DNAJC6: variants seen among roughly 807,000 people sequenced by gnomAD.
DNAJC6 encodes the protein auxilin.
DNAJC6 carries 34 observed loss-of-function variants against 110.0 expected under a neutral mutation model. The observed-to-expected ratio is 0.31, with a 90% CI of 0.24 to 0.41. The LOEUF (loss-of-function observed/expected upper bound fraction) is 0.41. Ranked by LOEUF, DNAJC6 falls within the 10% of genes least tolerant of loss-of-function variation. The probability of loss-of-function intolerance (pLI) is 1.00; values close to 1 mark genes in which losing one functional copy is unlikely to be tolerated. For missense variants in DNAJC6, 1,031 were observed against 1,207.8 expected, an observed-to-expected ratio of 0.85 and a Z score of 2.17; for synonymous variants, 406 against 437.2, an observed-to-expected ratio of 0.93 and a Z score of 0.89.
At chr1:65,343,489 T>C (rs1437879129) in intron 1 of DNAJC6, among the ~76,000 whole-genome samples, 1 of 152,192 alleles carries the variant, frequency 6.6e-6, no homozygotes, top group Non-Finnish European at 1.5e-5. Flanking sequence ...TCTTGCACCG[T>C]CTTGCTTGGT....
rs373440819 is a variant in DNAJC6 at position 65,368,707 on chromosome 1, CT to C, written c.543+2513del. Among the ~76,000 whole-genome samples the C allele has an allele frequency of 3.3e-4, 13 of 39,584 alleles. No homozygotes were observed. The African/African-American group carries it at 3.6e-3, about 11-fold the overall frequency. 26.0% of individuals were successfully genotyped at this position (39,584 alleles called of 152,430 possible). ...TCCCTTCCTCCTCCTCTTCCTCCTC[CT>C]TCTTCTTCCTCTTCTTCTTCTTCTT... On this transcript the variant is annotated intron_variant, in intron 4 of 18. Coordinates refer to ENST00000371069, the MANE Select transcript of DNAJC6 (RefSeq NM_001256864.2).
chr1:65,265,075 T>C (rs1653270741), intron 1 of DNAJC6: 1 of 722,524 alleles, frequency 1.4e-6, no homozygotes, highest in Non-Finnish European at 2.3e-6. Flanking sequence ...ATTCTAGTTA[T>C]ATAATAAACA....
At chr1:65,312,207 A>G (rs1194391988) in intron 1 of DNAJC6, among the ~76,000 whole-genome samples, 1 of 152,168 alleles carries the variant, frequency 6.6e-6, no homozygotes, top group Non-Finnish European at 1.5e-5. Flanking sequence ...TCCTCCCCTT[A>G]TCCATCATTC....
At chr1:65,373,602 C>G (rs1041529255) in intron 4 of DNAJC6, among the ~76,000 whole-genome samples, 1 of 149,988 alleles carries the variant, frequency 6.7e-6, no homozygotes, top group Non-Finnish European at 1.5e-5. Context: ...TAATTCTCTT[C>G]AACTCTTTTG....
intron 2 of DNAJC6, among the ~76,000 whole-genome samples, chr1:65,365,666 C>T (rs1215550872): frequency 2.6e-5 from 4 of 152,116 alleles, no homozygotes; most frequent in African/African-American, 9.7e-5. Context: ...TCTACAAGGG[C>T]ATTAGAATGC....
At chr1:65,265,903 AT>A (rs2101144540) in intron 1 of DNAJC6, among the ~76,000 whole-genome samples, 1 of 152,148 alleles carries the variant, frequency 6.6e-6, no homozygotes, top group Admixed American at 6.6e-5. Flanking sequence ...CGGAACGCTA[AT>A]TTTAGGGTTC....
chr1:65,364,224 AATT>A lies in DNAJC6; in HGVS notation c.194-404_194-402del, dbSNP rs199501084. ...TAATTTCTTTAATTCAATATATTTAAATTATTATTTCAACATGTAATCAGTATA... is the reference window on the plus strand; with the variant it reads ...TAATTTCTTTAATTCAATATATTTAAATTATTTCAACATGTAATCAGTATA... On this transcript the variant is annotated intron_variant, in intron 1 of 18. Coordinates refer to ENST00000371069, the MANE Select transcript of DNAJC6 (RefSeq NM_001256864.2). Among the ~76,000 whole-genome samples the A allele has an allele frequency of 7.9e-5, 12 of 152,320 alleles. No homozygotes were observed. The East Asian group carries it at 2.3e-3, about 29-fold the overall frequency.
At chr1:65,313,890 A>G (rs1241069843) in intron 1 of DNAJC6, among the ~76,000 whole-genome samples, 5 of 152,164 alleles carry the variant, frequency 3.3e-5, no homozygotes, top group Non-Finnish European at 7.4e-5. Flanking sequence ...AAGGCACTGC[A>G]CTATCCCAAT....
chr1:65,266,141 C>T lies in DNAJC6; in HGVS notation c.-131+1209C>T, dbSNP rs942012358. On this transcript the variant is annotated intron_variant, in intron 1 of 19. Coordinates refer to the DNAJC6 transcript ENST00000263441. ...GTGAGACGTGCAACAACGCAGGCCC[C>T]AAAGCTCTCTGCGCGCAGCGCCGCG... Among the ~76,000 whole-genome samples, 13 of 152,236 alleles carry T rather than the reference C, an allele frequency of 8.5e-5. 1 individual carries two copies. Among genetic ancestry groups the T allele is most frequent in the African/African-American group, 2.9e-4 (12 of 41,468 alleles).
chr1:65,341,634 A>G (rs533331411), intron 1 of DNAJC6, among the ~76,000 whole-genome samples: 1 of 152,192 alleles, frequency 6.6e-6, no homozygotes, highest in Non-Finnish European at 1.5e-5. Flanking sequence ...TCTTTGGGGG[A>G]AGATGGAAAG....
At chr1:65,294,554 A>G (rs1307196103) in intron 1 of DNAJC6, among the ~76,000 whole-genome samples, 1 of 152,002 alleles carries the variant, frequency 6.6e-6, no homozygotes, top group African/African-American at 2.4e-5. Flanking sequence ...ATAAGTGGCT[A>G]TTGAGCATTT....
In DNAJC6 at chr1:65,365,839, AT is replaced by A. The variant is rs769782831; in HGVS notation, c.345-45del. ...GTGATTGAGAGAGAGAAATCTTGGCATATTTGGATCATTTTAATGAGTGCCC... is the reference window on the plus strand; with the variant it reads ...GTGATTGAGAGAGAGAAATCTTGGCAATTTGGATCATTTTAATGAGTGCCC... On this transcript the variant is annotated intron_variant, in intron 2 of 18. Coordinates refer to ENST00000371069, the MANE Select transcript of DNAJC6 (RefSeq NM_001256864.2). 6 of 1,597,194 alleles carry A rather than the reference AT, an allele frequency of 3.8e-6. No individual in the cohort carries two copies. In the South Asian group the frequency reaches 6.7e-5, roughly 18 times the overall value.
chr1:65,309,167 C>T (rs1214488172), upstream of DNAJC6, among the ~76,000 whole-genome samples: 1 of 152,130 alleles, frequency 6.6e-6, no homozygotes, highest in South Asian at 2.1e-4. Flanking sequence ...CTCAAAGCTT[C>T]GCAGGCCGAG....
In DNAJC6 at chr1:65,385,709, C is replaced by T. The variant is rs1645865140; in HGVS notation, c.801-3C>T. The T allele has an allele frequency of 6.3e-7, 1 of 1,583,124 alleles. No homozygotes were observed. The highest frequency in any genetic ancestry group is 1.7e-5 in the Admixed American group (1 of 58,330). On this transcript the variant is annotated splice_polypyrimidine_tract_variant and splice_region_variant and intron_variant, in intron 6 of 18. Coordinates refer to ENST00000371069, the MANE Select transcript of DNAJC6 (RefSeq NM_001256864.2). ...CCAAGAGAGTGCCAACCTTCTGTTT[C>T]AGATACCTGGGCTATATGTGTGACC...
chr1:65,365,809 C>T (rs372472147), intron 2 of DNAJC6, 76 bp from the exon 3 acceptor site: 58 of 1,518,804 alleles, frequency 3.8e-5, no homozygotes, highest in Middle Eastern at 1.8e-4. Context: ...AGTTCATATG[C>T]GCAAGTGATT....
intron 13 of DNAJC6, among the ~76,000 whole-genome samples, chr1:65,395,576 T>C (rs1266210145): frequency 1.3e-5 from 2 of 152,150 alleles, no homozygotes; most frequent in African/African-American, 4.8e-5. Flanking sequence ...ATAAAATACA[T>C]ACCAGATTTC....
Position 65,337,739 on chromosome 1 carries a change from T to G in DNAJC6, c.194-26896T>G, listed in dbSNP as rs993969277. ...GTATTATACATAATCTAGAGATGAT[T>G]TAAAGTATATGGGAGGATGTGTGTA... On this transcript the variant is annotated intron_variant, in intron 1 of 18. Coordinates refer to ENST00000371069, the MANE Select transcript of DNAJC6 (RefSeq NM_001256864.2). 1.1e-4 allele frequency among the ~76,000 whole-genome samples: 16 copies of G among 152,156 alleles called. 1 individual carries two copies. Among genetic ancestry groups the G allele is most frequent in the African/African-American group, 2.9e-4 (12 of 41,436 alleles).
chr1:65,299,626 G>A (rs1366215391), intron 1 of DNAJC6, among the ~76,000 whole-genome samples: 1 of 152,124 alleles, frequency 6.6e-6, no homozygotes, highest in African/African-American at 2.4e-5. Context: ...TGTACTTTAT[G>A]TTATGCAATT....
At position 65,388,326 on chromosome 1, in the gene DNAJC6, G is replaced by A. The variant is rs369835421; in HGVS notation, c.1114-10G>A. 7 of 1,611,566 alleles carry A rather than the reference G, an allele frequency of 4.3e-6. No individual in the cohort carries two copies. In the African/African-American group the frequency reaches 9.3e-5, roughly 22 times the overall value. ...ATTGATTGTAATGTGCTTCTCTCAT[G>A]TATTTTTAGGTGACCAACACACAGA... On this transcript the variant is annotated splice_polypyrimidine_tract_variant and intron_variant, in intron 8 of 18. Transcript: ENST00000371069.
Sources: allele counts gnomAD v4.1 joint callset (sites outside exome capture counted in the v4.1 genomes callset), GRCh38; gene constraint gnomAD v4.1.1; transcripts MANE v1.5; gene names NCBI Gene and HGNC (gene_info 2026-07-23, HGNC 2026-07-21).